Variants in ZFPM2 observed in about 807,000 individuals in gnomAD.
ZFPM2 encodes the protein zinc finger protein, FOG family member 2, also known as zinc finger protein ZFPM2.
In ZFPM2, 20 loss-of-function variants were observed where a neutral mutation model predicts 98.6. The ratio of observed to expected loss-of-function variants is 0.20; its 90% CI spans 0.14 to 0.29. ZFPM2 has a LOEUF of 0.29. Ranked by LOEUF, ZFPM2 falls within the 10% of genes least tolerant of loss-of-function variation. ZFPM2 has a pLI of 1.00. For synonymous variants in ZFPM2, 518 were observed against 502.7 expected (o/e 1.03, Z -0.41); for missense variants, 1,310 against 1,388.6 (o/e 0.94, Z 0.90).
chr8:105,790,935 G>A (rs1813590065), intron 6 of ZFPM2, among the ~76,000 whole-genome samples: 1 of 152,178 alleles, frequency 6.6e-6, no homozygotes. Context: ...TTTGTACATT[G>A]ATTTTGTGTC....
chr8:105,456,156 GT>G (rs1476621186), intron 3 of ZFPM2, among the ~76,000 whole-genome samples: 2,714 of 65,638 alleles, frequency 0.041, 133 homozygotes, highest in African/African-American at 0.12. Flanking sequence ...GTTTTTTTTT[GT>G]TTGTTTGTTT....
chr8:105,704,474 C>CA (rs1335050003), intron 5 of ZFPM2, among the ~76,000 whole-genome samples: 1 of 152,102 alleles, frequency 6.6e-6, no homozygotes, highest in Non-Finnish European at 1.5e-5. Flanking sequence ...TAAGCTATAT[C>CA]ATGTTAATTC....
rs183343272 is a variant in ZFPM2 at position 105,461,072 on chromosome 8, A to G, written c.301+16691A>G. Among the ~76,000 whole-genome samples, 73 of 152,206 alleles carry G rather than the reference A, an allele frequency of 4.8e-4. 1 individual carries two copies. The highest frequency in any genetic ancestry group is 7.4e-4 in the Non-Finnish European group (50 of 67,976). On this transcript the variant is annotated intron_variant, in intron 3 of 7. Coordinates refer to ENST00000407775, the MANE Select transcript of ZFPM2 (RefSeq NM_012082.4). ...CATTATGTGGCAAAATTAATTTCTTATAAAATAGCTTTACGGCCTAGAAAA... is the reference window on the plus strand; with the variant it reads ...CATTATGTGGCAAAATTAATTTCTTGTAAAATAGCTTTACGGCCTAGAAAA...
intron 3 of ZFPM2, among the ~76,000 whole-genome samples, chr8:105,558,598 A>G (rs1253020169): frequency 6.6e-6 from 1 of 152,222 alleles, no homozygotes; most frequent in Non-Finnish European, 1.5e-5. Flanking sequence ...ATCCATTAAA[A>G]GACAGAGCTG....
In ZFPM2 at chr8:105,627,318, GT is replaced by G. The variant is rs1387100305; in HGVS notation, c.421-6926del. Among the ~76,000 whole-genome samples, 5 of 152,128 alleles carry G rather than the reference GT, an allele frequency of 3.3e-5. No homozygotes were observed. In the East Asian group the frequency reaches 7.7e-4, roughly 23 times the overall value. On this transcript the variant is annotated intron_variant, in intron 4 of 7. Transcript: ENST00000407775. ...ATTTTGTCCTTGTCAAGTTTGTCTAGTTGTGGGCTGTCTAAACGTGAAACTC... is the reference window on the plus strand; with the variant it reads ...ATTTTGTCCTTGTCAAGTTTGTCTAGTGTGGGCTGTCTAAACGTGAAACTC...
intron 5 of ZFPM2, among the ~76,000 whole-genome samples, chr8:105,653,194 CAT>C (rs1817214222): frequency 6.6e-6 from 1 of 152,148 alleles, no homozygotes; most frequent in Admixed American, 6.5e-5. Context: ...TGGCTTTAAA[CAT>C]CACTGTTTAA....
At chr8:105,526,464 G>T (rs1814175194) in intron 3 of ZFPM2, among the ~76,000 whole-genome samples, 1 of 152,150 alleles carries the variant, frequency 6.6e-6, no homozygotes, top group African/African-American at 2.4e-5. Flanking sequence ...CTCAACTGCT[G>T]TATTTGGTTG....
intron 5 of ZFPM2, among the ~76,000 whole-genome samples, chr8:105,684,651 C>A (rs1045106056): frequency 6.6e-6 from 1 of 151,926 alleles, no homozygotes; most frequent in African/African-American, 2.4e-5. Flanking sequence ...AATAATATAG[C>A]AAATAATGAA....
At chr8:105,487,078 A>G (rs933476657) in intron 3 of ZFPM2, among the ~76,000 whole-genome samples, 3 of 151,976 alleles carry the variant, frequency 2.0e-5, no homozygotes, top group African/African-American at 4.8e-5. Context: ...TTCACCTTCT[A>G]AGTGGATTTT....
Position 105,373,429 on chromosome 8 carries a change from G to A in ZFPM2, c.41-45715G>A, listed in dbSNP as rs181837988. On this transcript the variant is annotated intron_variant, in intron 1 of 7. Coordinates refer to ENST00000407775, the MANE Select transcript of ZFPM2 (RefSeq NM_012082.4). ...AAACTTCCATTTAAGGAGTAAGATCGTTTTTTTCTCCTGAAATCTCACGCC... is the reference window on the plus strand; with the variant it reads ...AAACTTCCATTTAAGGAGTAAGATCATTTTTTTCTCCTGAAATCTCACGCC... Among the ~76,000 whole-genome samples, 553 of 151,948 alleles carry A rather than the reference G, an allele frequency of 3.6e-3. 3 individuals are homozygous for A. Among genetic ancestry groups the A allele is most frequent in the Non-Finnish European group, 6.2e-3 (422 of 67,942 alleles).
At chr8:105,416,698 T>C (rs1811685956) in intron 1 of ZFPM2, among the ~76,000 whole-genome samples, 1 of 151,834 alleles carries the variant, frequency 6.6e-6, no homozygotes, top group African/African-American at 2.4e-5. Flanking sequence ...AGTGTGGGTA[T>C]AAATTATAAA....
chr8:105,801,071 C>A lies in ZFPM2; in HGVS notation c.989C>A (p.Pro330His). The A allele has an allele frequency of 6.2e-7, 1 of 1,613,028 alleles. No individual in the cohort carries two copies. The highest frequency in any genetic ancestry group is 8.5e-7 in the Non-Finnish European group (1 of 1,179,214). Reference sequence around the variant, plus strand: ...GGAGTGAAAATGGAAGAATTCCTGCCCCCTGGTGCTAGTCTAAAATGCACC... The same window carrying A: ...GGAGTGAAAATGGAAGAATTCCTGCACCCTGGTGCTAGTCTAAAATGCACC... ...HSGVKMEEFL[P>H]PGASLKCTVC... The change falls in exon 8 of 8, where the codon CCC becomes CAC. Residue 330 changes from proline to histidine, a missense_variant. Pro to His is a moderately conservative substitution (Grantham distance 77). Transcript: ENST00000407775.
chr8:105,340,178 A>G (rs1264220681), intron 1 of ZFPM2, among the ~76,000 whole-genome samples: 2 of 151,890 alleles, frequency 1.3e-5, no homozygotes, highest in African/African-American at 4.8e-5. Context: ...GATAACCTCG[A>G]TGTTATCTAG....
intron 1 of ZFPM2, among the ~76,000 whole-genome samples, chr8:105,370,241 AG>A (rs1407335226): frequency 6.6e-6 from 1 of 152,212 alleles, no homozygotes; most frequent in East Asian, 1.9e-4. Context: ...AGACAACAAA[AG>A]ATAGCATACG....
chr8:105,758,457 A>C (rs1456797477), intron 5 of ZFPM2, among the ~76,000 whole-genome samples: 1 of 152,146 alleles, frequency 6.6e-6, no homozygotes, highest in East Asian at 1.9e-4. Context: ...AAGTTAATCC[A>C]AATTTAATTA....
chr8:105,438,623 T>C (rs1022211650), intron 2 of ZFPM2, among the ~76,000 whole-genome samples: 8 of 151,950 alleles, frequency 5.3e-5, no homozygotes, highest in African/African-American at 1.9e-4. Context: ...CTCACAAAAA[T>C]TGGGAGAGAG....
At chr8:105,692,061 G>A (rs1406073656) in intron 5 of ZFPM2, among the ~76,000 whole-genome samples, 8 of 152,170 alleles carry the variant, frequency 5.3e-5, no homozygotes, top group Admixed American at 2.6e-4. Context: ...CTCTTTTAGA[G>A]TCTATAGTGG....
chr8:105,562,745 A>T (rs1815166452), intron 4 of ZFPM2, among the ~76,000 whole-genome samples: 1 of 152,016 alleles, frequency 6.6e-6, no homozygotes, highest in African/African-American at 2.4e-5. Context: ...TTATGATTAC[A>T]CTGTGTCTGC....
intron 3 of ZFPM2, among the ~76,000 whole-genome samples, chr8:105,448,471 A>C (rs1376388492): frequency 6.6e-6 from 1 of 152,048 alleles, no homozygotes; most frequent in African/African-American, 2.4e-5. Context: ...AATTGTTAAA[A>C]GCACTTGGGA....
Sources: allele counts gnomAD v4.1 joint callset (sites outside exome capture counted in the v4.1 genomes callset), GRCh38; gene constraint gnomAD v4.1.1; transcripts MANE v1.5; gene names NCBI Gene and HGNC (gene_info 2026-07-23, HGNC 2026-07-21).